Variants in BNIP3 observed in about 807,000 individuals in gnomAD.
BNIP3 encodes BCL2 interacting protein 3, also known as BCL2/adenovirus E1B 19 kDa protein-interacting protein 3.
In BNIP3, 16 loss-of-function variants were observed where a neutral mutation model predicts 23.9. That is an observed-to-expected ratio of 0.67 (90% CI 0.45 to 1.01). The LOEUF is 1.01. Among genes scored for constraint, BNIP3 ranks in the 50% least tolerant of loss-of-function variants. The probability of loss-of-function intolerance (pLI) is 0.00; values close to 1 mark genes in which losing one functional copy is unlikely to be tolerated. For missense variants in BNIP3, 198 were observed against 248.7 expected (o/e 0.80, Z 1.37); for synonymous variants, 81 against 89.3 (o/e 0.91, Z 0.53).
chr10:131,973,030 T>C lies in BNIP3; in HGVS notation c.282+4A>G. ...TACAACTGCACATTCTCCTTCCAGC[T>C]TACCTGTGAGCTGTTTTTCTCTCCA... is the stretch of plus-strand genomic sequence containing the variant. On this transcript the variant is annotated splice_donor_region_variant and intron_variant, in intron 3 of 5. Transcript: ENST00000368636. The C allele has an allele frequency of 6.2e-7, 1 of 1,611,476 alleles. No homozygotes were observed. Among genetic ancestry groups the C allele is most frequent in the Non-Finnish European group, 8.5e-7 (1 of 1,177,578 alleles).
intron 1 of BNIP3, 93 bp downstream of exon 1, chr10:131,981,667 GC>G (rs1318524293): frequency 4.7e-5 from 65 of 1,374,092 alleles, no homozygotes; most frequent in Non-Finnish European, 6.0e-5. Flanking sequence ...TGCCCCCTAG[GC>G]CTCCCCGGCA....
At chr10:131,981,326 C>T in intron 1 of BNIP3, 1 of 211,458 alleles carries the variant, frequency 4.7e-6, no homozygotes, top group African/African-American at 2.3e-5. Context: ...AAAATTAAAG[C>T]TCATAACAGG....
Position 131,981,785 on chromosome 10 carries a change from C to A in BNIP3, c.22G>T (p.Gly8Trp). 6.7e-7 allele frequency: 1 copy of A among 1,483,634 alleles called. No individual in the cohort carries two copies. The highest frequency in any genetic ancestry group is 8.9e-7 in the Non-Finnish European group (1 of 1,123,336). The allele number at this position is 1,483,634 out of a possible 1,614,324, so 91.9% of individuals were successfully genotyped here. Residue 8 changes from glycine to tryptophan, a missense_variant, in exon 1 of 6, where the codon GGG (glycine) becomes TGG (tryptophan). By Grantham distance (184) the Gly-to-Trp change is radical. Transcript: ENST00000368636. ...CCCTGCAGGCTCTCCTCCTGCATCC[C>A]GGGCGCTCCGTTCTGCGACATGGCG... is the stretch of plus-strand genomic sequence containing the variant. MSQNGAP[G>W]MQEESLQGSW...
At position 131,970,941 on chromosome 10, in the gene BNIP3, T is replaced by C; in HGVS notation, c.312A>G (p.Lys104=). The change falls in exon 4 of 6, where the codon AAA becomes AAG. Residue 104 remains lysine, a synonymous_variant. Transcript: ENST00000368636. This position sits in a 1 kb window ranked among gnomAD's most constrained non-coding sequence, Gnocchi z 4.1. ...QSEEDDIERR[K]EVESILKKNS... is the part of the protein sequence containing the mutation. ...TTTTCTTCAAGATGCTTTCAACTTC[T>C]TTCCTTCTTTCAATATCATCTTCCT... 6.2e-7 allele frequency: 1 copy of C among 1,614,216 alleles called. No individual in the cohort carries two copies. Among genetic ancestry groups the C allele is most frequent in the Non-Finnish European group, 8.5e-7 (1 of 1,180,026 alleles).
rs1589975249 is a variant in BNIP3, at chr10:131,970,307, G to A, written c.539+331C>T. ...CAGAGCTGGGTGCATTCCCGCCACA[G>A]TACTACACAGAAATGAGACTGCTTT... On this transcript the variant is annotated intron_variant, in intron 5 of 5. Coordinates refer to ENST00000368636, the MANE Select transcript of BNIP3 (RefSeq NM_004052.4). The surrounding 1 kb of genome is among the most constrained non-coding windows in gnomAD (Gnocchi z 4.1). 1 of 354,888 alleles carries A rather than the reference G, an allele frequency of 2.8e-6. No individual in the cohort carries two copies. The highest frequency in any genetic ancestry group is 5.2e-6 in the Non-Finnish European group (1 of 192,440). The allele number at this position is 354,888 out of a possible 1,614,324, so 22.0% of individuals were successfully genotyped here. A position where few individuals can be genotyped will look rare whatever the true frequency, so the allele number is the denominator to read the frequency against.
intron 1 of BNIP3, among the ~76,000 whole-genome samples, chr10:131,980,016 GTCC>G (rs1460755686): frequency 6.6e-6 from 1 of 152,226 alleles, no homozygotes; most frequent in Non-Finnish European, 1.5e-5. Context: ...CAGTGGCCCC[GTCC>G]TGCCGCGCGG....
intron 5 of BNIP3, chr10:131,969,944 T>G (rs996196237): frequency 6.6e-6 from 1 of 152,478 alleles, no homozygotes; most frequent in African/African-American, 2.4e-5. Context: ...ATCCCAGCAC[T>G]TTGGAGGCCG....
Position 131,981,879 on chromosome 10 carries a change from G to A in BNIP3, c.-73C>T, listed in dbSNP as rs747418393. The A allele has an allele frequency of 3.9e-5, 54 of 1,373,416 alleles. No homozygotes were observed. The highest frequency in any genetic ancestry group is 5.0e-5 in the Non-Finnish European group (53 of 1,067,718). 85.1% of individuals were successfully genotyped at this position (1,373,416 alleles called of 1,614,324 possible). ...GATGTGCTTCAGCTGCGGGCGGTGG[G>A]AAAGCGGAGGTCGGAGCGCCGCGGC... On this transcript the variant is annotated 5_prime_UTR_variant, in exon 1 of 6. Coordinates refer to ENST00000368636, the MANE Select transcript of BNIP3 (RefSeq NM_004052.4).
At chr10:131,981,624 G>A (rs1045204703) in intron 1 of BNIP3, 137 bp downstream of exon 1, 69 of 1,109,448 alleles carry the variant, frequency 6.2e-5, no homozygotes, top group South Asian at 6.6e-5. Flanking sequence ...GGGTACGGAA[G>A]GGGAGGATGG....
In BNIP3 at chr10:131,969,145, G is replaced by A. The variant is rs552870314; in HGVS notation, c.540-576C>T. On this transcript the variant is annotated intron_variant, in intron 5 of 5. Transcript: ENST00000368636. ...TGGCTGGCCTGGCCTGTGGGCGGTG[G>A]TGTGGTGGGCACTGTGAGCGCAGAC... 3.5e-4 allele frequency: 54 copies of A among 154,340 alleles called. 2 individuals carry two copies. The highest frequency in any genetic ancestry group is 3.3e-3 in the South Asian group (16 of 4,920). The allele number at this position is 154,340 out of a possible 1,614,324, so 9.6% of individuals were successfully genotyped here.
chr10:131,974,580 A>C lies in BNIP3; in HGVS notation c.47-637T>G, dbSNP rs372445322. On this transcript the variant is annotated intron_variant, in intron 1 of 5. Transcript: ENST00000368636. ...TTTTTTTAGGAGATGGGGTCTCGCT[A>C]TATTGCCCAGGCTAGTCTCGAACTT... Among the ~76,000 whole-genome samples, 5 of 152,272 alleles carry C rather than the reference A, an allele frequency of 3.3e-5. No homozygotes were observed. In the East Asian group the frequency reaches 7.7e-4, roughly 24 times the overall value.
chr10:131,971,125 G>T, intron 3 of BNIP3, 155 bp from the exon 4 acceptor site: 1 of 693,310 alleles, frequency 1.4e-6, no homozygotes, highest in Non-Finnish European at 2.4e-6. Context: ...GAGTCCTGGG[G>T]CTGGGGGCCT....
At position 131,981,916 on chromosome 10, in the gene BNIP3, C is replaced by A. The variant is rs1024955076; in HGVS notation, c.-110G>T. The A allele has an allele frequency of 7.1e-6, 9 of 1,275,904 alleles. No individual in the cohort carries two copies. The highest frequency in any genetic ancestry group is 1.9e-5 in the South Asian group (1 of 51,808). 79.0% of individuals were successfully genotyped at this position (1,275,904 alleles called of 1,614,324 possible). A position where few individuals can be genotyped will look rare whatever the true frequency, so the allele number is the denominator to read the frequency against. Reference sequence around the variant, plus strand: ...CGGAGCGCCGCGGCCCAGCTGCGCTCCCGGACTGAGCGGAGCCCCGCAGCC... The same window carrying A: ...CGGAGCGCCGCGGCCCAGCTGCGCTACCGGACTGAGCGGAGCCCCGCAGCC... On this transcript the variant is annotated 5_prime_UTR_variant, in exon 1 of 6. Coordinates refer to ENST00000368636, the MANE Select transcript of BNIP3 (RefSeq NM_004052.4).
In BNIP3 at chr10:131,970,825, T is replaced by G; in HGVS notation, c.390-38A>C. 1 of 1,614,236 alleles carries G rather than the reference T, an allele frequency of 6.2e-7. No homozygotes were observed. Among genetic ancestry groups the G allele is most frequent in the Non-Finnish European group, 8.5e-7 (1 of 1,180,044 alleles). Reference sequence around the variant, plus strand: ...GAAACGTGTCAGCTGATGTGTCCTCTGTCAAGGGGTGCCCCCGTGACACTG... The same window carrying G: ...GAAACGTGTCAGCTGATGTGTCCTCGGTCAAGGGGTGCCCCCGTGACACTG... On this transcript the variant is annotated intron_variant, in intron 4 of 5. Transcript: ENST00000368636. The surrounding 1 kb of genome is among the most constrained non-coding windows in gnomAD (Gnocchi z 4.1).
Position 131,968,403 on chromosome 10 carries a change from A to G in BNIP3, c.*121T>C. 1 of 809,906 alleles carries G rather than the reference A, an allele frequency of 1.2e-6. No individual in the cohort carries two copies. Among genetic ancestry groups the G allele is most frequent in the South Asian group, 1.5e-5 (1 of 64,548 alleles). 50.2% of individuals were successfully genotyped at this position (809,906 alleles called of 1,614,324 possible). A position where few individuals can be genotyped will look rare whatever the true frequency, so the allele number is the denominator to read the frequency against. On this transcript the variant is annotated 3_prime_UTR_variant, in exon 6 of 6. Transcript: ENST00000368636. ...TATTTTACTAAATTAGGAACGCAGC[A>G]TTTACAGAACAAATAAACACAAGTG...
rs147533216 is a variant in BNIP3 at position 131,979,508 on chromosome 10, G to C, written c.46+2253C>G. Among the ~76,000 whole-genome samples, 17 of 152,210 alleles carry C rather than the reference G, an allele frequency of 1.1e-4. No individual in the cohort carries two copies. The East Asian group carries it at 3.3e-3, about 30-fold the overall frequency. The stretch of plus-strand genomic sequence containing the variant: ...CTGGTGAAGACAGTGGGTCCTTCAA[G>C]GAAGTGATGCCCCCGCCACCGTGAC... On this transcript the variant is annotated intron_variant, in intron 1 of 5. Coordinates refer to ENST00000368636, the MANE Select transcript of BNIP3 (RefSeq NM_004052.4).
At position 131,971,141 on chromosome 10, in the gene BNIP3, G is replaced by A. The variant is rs371347956; in HGVS notation, c.283-171C>T. The A allele has an allele frequency of 1.4e-3, 916 of 632,922 alleles. 11 individuals carry two copies. The highest frequency in any genetic ancestry group is 0.014 in the South Asian group (727 of 52,258). 39.2% of individuals were successfully genotyped at this position (632,922 alleles called of 1,614,324 possible). ...AGTCCTGGGGCTGGGGGCCTTCCCCGGGCCGCGCCGCACTCCCGGCTCACA... is the reference window on the plus strand; with the variant it reads ...AGTCCTGGGGCTGGGGGCCTTCCCCAGGCCGCGCCGCACTCCCGGCTCACA... On this transcript the variant is annotated intron_variant, in intron 3 of 5. Coordinates refer to ENST00000368636, the MANE Select transcript of BNIP3 (RefSeq NM_004052.4).
At chr10:131,975,727 TG>T (rs746815369) in intron 1 of BNIP3, among the ~76,000 whole-genome samples, 5 of 152,210 alleles carry the variant, frequency 3.3e-5, no homozygotes, top group Non-Finnish European at 2.9e-5. Context: ...GAAGGAAAAG[TG>T]GATTTGCAAC....
chr10:131,975,635 A>G (rs1307141771), intron 1 of BNIP3, among the ~76,000 whole-genome samples: 2 of 152,316 alleles, frequency 1.3e-5, no homozygotes, highest in East Asian at 3.9e-4. Flanking sequence ...CTCTCCTGAA[A>G]GAGGGCTGGC....
Sources: allele counts gnomAD v4.1 joint callset (sites outside exome capture counted in the v4.1 genomes callset), GRCh38; gene constraint gnomAD v4.1.1; non-coding constraint Gnocchi (gnomAD v3.1); transcripts MANE v1.5; gene names NCBI Gene and HGNC (gene_info 2026-07-23, HGNC 2026-07-21).